TRAPPC13: variants seen among roughly 807,000 people sequenced by gnomAD.
The protein encoded by TRAPPC13 is REV7-interacting novel NHEJ regulator 1.
In TRAPPC13, 39 loss-of-function variants were observed where a neutral mutation model predicts 54.0. That is an observed-to-expected ratio of 0.72 (90% CI 0.56 to 0.94). The LOEUF (loss-of-function observed/expected upper bound fraction) is 0.94. Among genes scored for constraint, TRAPPC13 ranks in the 40% least tolerant of loss-of-function variants. The pLI is 0.00. For synonymous variants in TRAPPC13, 148 were observed against 167.7 expected, an observed-to-expected ratio of 0.88 and a Z score of 0.91; for missense variants, 386 against 488.1, an observed-to-expected ratio of 0.79 and a Z score of 1.97.
intron 9 of TRAPPC13, among the ~76,000 whole-genome samples, chr5:65,659,967 C>CAAAAAAAAAAAAAAAAAAAAAAAAAA (rs141876171): frequency 2.1e-5 from 2 of 95,234 alleles, no homozygotes; most frequent in Admixed American, 1.3e-4. Context: ...GTATTTTAAA[C>CAAAAAAAAAAAAAAAAAAAAAAAAAA]AAAAAAAAAA....
chr5:65,665,777 G>C lies in TRAPPC13; in HGVS notation c.*1166G>C, dbSNP rs1016766630. The C allele has an allele frequency of 5.2e-5, 8 of 152,414 alleles. No homozygotes were observed. In the South Asian group the frequency reaches 6.2e-4, roughly 12 times the overall value. The allele number at this position is 152,414 out of a possible 1,614,324, so 9.4% of individuals were successfully genotyped here. Reference sequence around the variant, plus strand: ...GAAAGTTGAGGTGATAAACAACTTTGCAGCATTAATGTAACAAAAAGTTTC... The same window carrying C: ...GAAAGTTGAGGTGATAAACAACTTTCCAGCATTAATGTAACAAAAAGTTTC... On this transcript the variant is annotated 3_prime_UTR_variant, in exon 13 of 13. Coordinates refer to ENST00000399438, the MANE Select transcript of TRAPPC13 (RefSeq NM_024941.4).
At chr5:65,639,424 C>T (rs116625299) in intron 4 of TRAPPC13, among the ~76,000 whole-genome samples, 111 of 151,792 alleles carry the variant, frequency 7.3e-4, no homozygotes, top group South Asian at 6.3e-4. Flanking sequence ...CTTTGGGAGG[C>T]TGTGACAGAA....
intron 1 of TRAPPC13, chr5:65,630,338 T>C: frequency 6.7e-7 from 1 of 1,498,990 alleles, no homozygotes; most frequent in Non-Finnish European, 8.9e-7. Flanking sequence ...TTTTAGTATG[T>C]AATGAATTCC....
chr5:65,640,857 C>T (rs1755937589), intron 4 of TRAPPC13, among the ~76,000 whole-genome samples: 3 of 151,980 alleles, frequency 2.0e-5, no homozygotes, highest in African/African-American at 4.8e-5. Flanking sequence ...TAATTATAAG[C>T]AGTGTAGTAC....
intron 1 of TRAPPC13, among the ~76,000 whole-genome samples, chr5:65,628,398 AC>A (rs1755346704): frequency 6.6e-6 from 1 of 152,174 alleles, no homozygotes; most frequent in African/African-American, 2.4e-5. Context: ...AGTTTTTACT[AC>A]AGAGAATGAC....
chr5:65,637,758 T>A lies in TRAPPC13; in HGVS notation c.278T>A (p.Val93Asp). 6.4e-7 allele frequency: 1 copy of A among 1,574,004 alleles called. No individual in the cohort carries two copies. Among genetic ancestry groups the A allele is most frequent in the South Asian group, 1.2e-5 (1 of 86,124 alleles). Residue 93 changes from valine to aspartate, a missense_variant, in exon 4 of 13, where the codon GTT becomes GAT. Coordinates refer to ENST00000399438, the MANE Select transcript of TRAPPC13 (RefSeq NM_024941.4). ...YISVHNDSNQ[V>D]VKDILVKADL... ...AGCGTTCATAATGATAGCAATCAAG[T>A]TGTAAAAGACATATTAGTAAAAGTA...
chr5:65,629,486 T>G, intron 1 of TRAPPC13: 1 of 1,431,420 alleles, frequency 7.0e-7, no homozygotes, highest in Non-Finnish European at 9.1e-7. Flanking sequence ...TCCCTCTGAT[T>G]TGGCAAGAGA....
intron 1 of TRAPPC13, among the ~76,000 whole-genome samples, chr5:65,633,315 C>G (rs991218397): frequency 8.6e-5 from 13 of 151,360 alleles, no homozygotes; most frequent in African/African-American, 1.7e-4. Context: ...GGGTCTTGCT[C>G]TGTTGCCCAG....
Position 65,650,863 on chromosome 5 carries a change from G to T in TRAPPC13, c.482G>T (p.Arg161Ile), listed in dbSNP as rs772270733. 1.2e-6 allele frequency: 2 copies of T among 1,612,938 alleles called. No homozygotes were observed. The highest frequency in any genetic ancestry group is 2.2e-5 in the South Asian group (2 of 91,030). The change falls in exon 6 of 13, where the codon AGA becomes ATA. Residue 161 changes from arginine (R) to isoleucine (I), a missense_variant. Transcript: ENST00000399438. ...CAGGCTGGAGAAAAAATGTATTTCA[G>T]AAAATTCTTCAAATTTCAGGTATTG... ...TTQAGEKMYF[R>I]KFFKFQVLKP...
In TRAPPC13 at chr5:65,649,579, CTGAACA is replaced by C. The variant is rs1756346419; in HGVS notation, c.429-1229_429-1224del. 5.3e-5 allele frequency among the ~76,000 whole-genome samples: 8 copies of C among 152,204 alleles called. No individual in the cohort carries two copies. In the South Asian group the frequency reaches 1.7e-3, roughly 32 times the overall value. Reference sequence around the variant, plus strand: ...CGTGTTTCTCTGACTACTTGTGAGGCTGAACATTTTCACATTTTTGTTAGCCAGTTA... The same window carrying C: ...CGTGTTTCTCTGACTACTTGTGAGGCTTTTCACATTTTTGTTAGCCAGTTA... On this transcript the variant is annotated intron_variant, in intron 5 of 12. Transcript: ENST00000399438.
At chr5:65,651,467 A>T (rs1429717245) in intron 6 of TRAPPC13, among the ~76,000 whole-genome samples, 2 of 152,250 alleles carry the variant, frequency 1.3e-5, no homozygotes, top group Non-Finnish European at 2.9e-5. Flanking sequence ...AGATAAAATG[A>T]GAGTAAATAA....
rs530614258 is a variant in TRAPPC13, at chr5:65,665,854, T to C, written c.*1243T>C. 1 of 152,742 alleles carries C rather than the reference T, an allele frequency of 6.5e-6. No homozygotes were observed. Among genetic ancestry groups the C allele is most frequent in the Non-Finnish European group, 1.5e-5 (1 of 68,002 alleles). 9.5% of individuals were successfully genotyped at this position (152,742 alleles called of 1,614,324 possible). On this transcript the variant is annotated 3_prime_UTR_variant, in exon 13 of 13. Transcript: ENST00000399438. ...AGGCTGTTAAATAAAAGCTATTCTA[T>C]TTTGGTAAGTTGAAATTCAAGAATG...
intron 1 of TRAPPC13, chr5:65,634,810 A>G (rs1389655058): frequency 1.1e-5 from 2 of 181,410 alleles, no homozygotes; most frequent in African/African-American, 4.8e-5. Context: ...GAGGCAGGAG[A>G]ATCTCTTGAA....
At chr5:65,639,684 G>T (rs1484981410) in intron 4 of TRAPPC13, among the ~76,000 whole-genome samples, 2 of 152,198 alleles carry the variant, frequency 1.3e-5, no homozygotes, top group Non-Finnish European at 2.9e-5. Context: ...ACAGCAGGCA[G>T]TTGGCTTTTG....
chr5:65,645,102 G>A (rs1378192140), intron 4 of TRAPPC13, among the ~76,000 whole-genome samples: 2 of 147,172 alleles, frequency 1.4e-5, no homozygotes, highest in South Asian at 2.1e-4. Flanking sequence ...GGAGGCTGAG[G>A]CAGGAGAATC....
intron 6 of TRAPPC13, among the ~76,000 whole-genome samples, chr5:65,651,722 GT>G (rs35982863): frequency 2.7e-5 from 4 of 150,130 alleles, no homozygotes; most frequent in Admixed American, 6.6e-5. Flanking sequence ...ACTGTATATG[GT>G]TTTTTTCATT....
chr5:65,659,540 TG>T (rs1177219837), intron 9 of TRAPPC13, among the ~76,000 whole-genome samples: 1 of 152,112 alleles, frequency 6.6e-6, no homozygotes, highest in Non-Finnish European at 1.5e-5. Context: ...AGGGTGAATG[TG>T]GGTTTAAAAA....
chr5:65,631,681 G>T (rs974484450), intron 1 of TRAPPC13, among the ~76,000 whole-genome samples: 1 of 152,114 alleles, frequency 6.6e-6, no homozygotes, highest in South Asian at 2.1e-4. Context: ...TTGCATCTAC[G>T]TTGCTGCAAA....
intron 1 of TRAPPC13, chr5:65,630,026 C>T: frequency 6.5e-7 from 1 of 1,535,982 alleles, no homozygotes; most frequent in Non-Finnish European, 8.7e-7. Context: ...AAACGTTTCT[C>T]CTTTGTCTAA....
Sources: gnomAD v4.1 joint callset for allele counts (sites outside exome capture counted in the v4.1 genomes callset) on GRCh38, gnomAD v4.1.1 for gene constraint, MANE v1.5 for transcripts, NCBI Gene and HGNC (gene_info 2026-07-23, HGNC 2026-07-21) for gene names.